SLMAP: variants seen among roughly 807,000 people sequenced by gnomAD.
SLMAP encodes the protein sarcolemma associated protein, also known as sarcolemmal membrane-associated protein.
SLMAP carries 44 observed loss-of-function variants against 128.8 expected under a neutral mutation model. The ratio of observed to expected loss-of-function variants is 0.34; its 90% confidence interval spans 0.27 to 0.44. The LOEUF (loss-of-function observed/expected upper bound fraction) is 0.44, where lower values mean the gene tolerates loss of function less well. Ranked by LOEUF, SLMAP falls within the 20% of genes least tolerant of loss-of-function variation. The pLI is 1.00. For synonymous variants in SLMAP, 327 were observed against 348.8 expected (o/e 0.94, Z 0.70); for missense variants, 787 against 985.3 (o/e 0.80, Z 2.69).
In SLMAP at chr3:57,912,322, C is replaced by T. The variant is rs2096720406; in HGVS notation, c.1700-59C>T. On this transcript the variant is annotated intron_variant, in intron 19 of 24. Coordinates refer to ENST00000671191, the MANE Select transcript of SLMAP (RefSeq NM_001377540.1). ...CCCAGGTTATGCATTAGCTACAATC[C>T]TGTATGGATTATTCTTTTATTCTAA... 2.7e-6 allele frequency: 4 copies of T among 1,455,994 alleles called. No individual in the cohort carries two copies. The South Asian group carries it at 3.6e-5, about 13-fold the overall frequency. The allele number at this position is 1,455,994 out of a possible 1,614,324, so 90.2% of individuals were successfully genotyped here. A position where few individuals can be genotyped will look rare whatever the true frequency, so the allele number is the denominator to read the frequency against.
At chr3:57,802,251 T>G (rs1424824199) in intron 2 of SLMAP, among the ~76,000 whole-genome samples, 1 of 152,032 alleles carries the variant, frequency 6.6e-6, no homozygotes, top group African/African-American at 2.4e-5. Context: ...AGCCCCAGCC[T>G]TAGGCAACTA....
intron 2 of SLMAP, among the ~76,000 whole-genome samples, chr3:57,794,450 AGTTT>A (rs531701995): frequency 6.6e-6 from 1 of 152,128 alleles, no homozygotes; most frequent in Non-Finnish European, 1.5e-5. Context: ...CAACCATTTT[AGTTT>A]GTTTTTACTT....
At chr3:57,784,437 A>G (rs978007564) in intron 2 of SLMAP, among the ~76,000 whole-genome samples, 2 of 152,050 alleles carry the variant, frequency 1.3e-5, no homozygotes, top group African/African-American at 4.8e-5. Flanking sequence ...TTTTCTTGGG[A>G]CCACCAGTTA....
chr3:57,827,537 A>C (rs2093008578), intron 2 of SLMAP, among the ~76,000 whole-genome samples: 1 of 152,230 alleles, frequency 6.6e-6, no homozygotes, highest in Non-Finnish European at 1.5e-5. Context: ...TATTCAGGGA[A>C]AGCAAGGAGT....
At chr3:57,921,267 G>A (rs2096912666) in intron 22 of SLMAP, among the ~76,000 whole-genome samples, 1 of 152,178 alleles carries the variant, frequency 6.6e-6, no homozygotes, top group South Asian at 2.1e-4. Context: ...CTATCTGAAA[G>A]TCAAAGTATA....
chr3:57,856,094 C>T (rs931497379), intron 6 of SLMAP, among the ~76,000 whole-genome samples: 3 of 151,838 alleles, frequency 2.0e-5, no homozygotes, highest in East Asian at 1.9e-4. Context: ...GTGTCTGCCT[C>T]CTAGCTATTT....
chr3:57,912,677 A>G lies in SLMAP; in HGVS notation c.1996A>G (p.Arg666Gly). 1 of 1,612,084 alleles carries G rather than the reference A, an allele frequency of 6.2e-7. No individual in the cohort carries two copies. Residue 666 changes from arginine (R) to glycine (G), a missense_variant, in exon 20 of 25, where the codon AGA (arginine) becomes GGA (glycine). Physicochemically the swap from Arg to Gly is moderately radical, Grantham distance 125. Coordinates refer to ENST00000671191, the MANE Select transcript of SLMAP (RefSeq NM_001377540.1). ...LRCQQCEDQQREEATRLQGEL... is the reference protein window; with the variant it reads ...LRCQQCEDQQGEEATRLQGEL... ...ATGTCAACAGTGTGAGGACCAGCAGAGAGAAGAAGCAACAAGGTTGCAAGG... is the reference window on the plus strand; with the variant it reads ...ATGTCAACAGTGTGAGGACCAGCAGGGAGAAGAAGCAACAAGGTTGCAAGG...
intron 14 of SLMAP, among the ~76,000 whole-genome samples, chr3:57,883,732 A>G (rs2153637178): frequency 6.6e-6 from 1 of 152,212 alleles, no homozygotes; most frequent in South Asian, 2.1e-4. Context: ...GTAGTAAGAG[A>G]TATGGGTTTC....
chr3:57,858,944 A>G (rs1254761794), intron 8 of SLMAP, among the ~76,000 whole-genome samples: 1 of 151,828 alleles, frequency 6.6e-6, no homozygotes, highest in African/African-American at 2.4e-5. Context: ...CTCTGTCTCA[A>G]CAACAACAAC....
intron 15 of SLMAP, among the ~76,000 whole-genome samples, chr3:57,895,014 A>G (rs2096202970): frequency 6.6e-6 from 1 of 152,102 alleles, no homozygotes; most frequent in Admixed American, 6.6e-5. Context: ...GCCATAGGCC[A>G]GGTGTGGTGG....
At chr3:57,763,193 C>T (rs2079028318) in intron 2 of SLMAP, among the ~76,000 whole-genome samples, 1 of 151,858 alleles carries the variant, frequency 6.6e-6, no homozygotes, top group African/African-American at 2.4e-5. Flanking sequence ...ACATAGTAGT[C>T]TATTTCCAGT....
chr3:57,853,958 TATATATATATATA>T (rs1560252910), intron 6 of SLMAP, among the ~76,000 whole-genome samples: 1,558 of 51,838 alleles, frequency 0.03, 102 homozygotes, highest in African/African-American at 0.072. Context: ...AAAAAAATTA[TATATATATATATA>T]TATATATATA....
intron 4 of SLMAP, among the ~76,000 whole-genome samples, chr3:57,844,118 G>A (rs368255556): frequency 1.3e-5 from 2 of 151,572 alleles, no homozygotes; most frequent in African/African-American, 2.4e-5. Context: ...GAGGCCTGGC[G>A]CAGGTGGCTC....
intron 14 of SLMAP, among the ~76,000 whole-genome samples, chr3:57,877,307 A>G (rs1335837483): frequency 6.6e-6 from 1 of 152,060 alleles, no homozygotes; most frequent in Non-Finnish European, 1.5e-5. Context: ...AATGCATTGA[A>G]TTGATGTTGC....
At chr3:57,847,380 T>A in intron 5 of SLMAP, 147 bp downstream of exon 5, 1 of 543,658 alleles carries the variant, frequency 1.8e-6, no homozygotes, top group Non-Finnish European at 3.3e-6. Context: ...ATTATAATCT[T>A]CTGATCTTCA....
At chr3:57,786,050 A>G (rs2084018388) in intron 2 of SLMAP, among the ~76,000 whole-genome samples, 1 of 152,244 alleles carries the variant, frequency 6.6e-6, no homozygotes, top group South Asian at 2.1e-4. Context: ...TTTGAATAAG[A>G]CAATAAAAAA....
chr3:57,910,866 G>A (rs187042738), intron 19 of SLMAP, among the ~76,000 whole-genome samples: 2 of 152,272 alleles, frequency 1.3e-5, no homozygotes, highest in African/African-American at 4.8e-5. Context: ...GTCATTGTAC[G>A]AGGCCCAAGA....
At chr3:57,843,041 A>G (rs2153566151) in intron 4 of SLMAP, among the ~76,000 whole-genome samples, 1 of 152,324 alleles carries the variant, frequency 6.6e-6, no homozygotes, top group South Asian at 2.1e-4. Context: ...AGAACTTGGC[A>G]TAGTACTTGG....
intron 14 of SLMAP, among the ~76,000 whole-genome samples, chr3:57,872,356 A>G (rs1476640370): frequency 6.6e-6 from 1 of 152,106 alleles, no homozygotes; most frequent in African/African-American, 2.4e-5. Flanking sequence ...AGTGGCTCAC[A>G]CCTGTAATCC....
Sources: allele counts gnomAD v4.1 joint callset (sites outside exome capture counted in the v4.1 genomes callset), GRCh38; gene constraint gnomAD v4.1.1; transcripts MANE v1.5; gene names NCBI Gene and HGNC (gene_info 2026-07-23, HGNC 2026-07-21).